PTPRD: variants seen among roughly 807,000 people sequenced by gnomAD.
The protein encoded by PTPRD is receptor-type tyrosine-protein phosphatase delta.
In PTPRD, 34 loss-of-function variants were observed where a neutral mutation model predicts 214.5. The ratio of observed to expected loss-of-function variants is 0.16; its 90% CI spans 0.12 to 0.21. PTPRD has a LOEUF of 0.21. Ranked by LOEUF, PTPRD falls within the 10% of genes least tolerant of loss-of-function variation. The probability of loss-of-function intolerance (pLI) is 1.00; values close to 1 mark genes in which losing one functional copy is unlikely to be tolerated. For missense variants in PTPRD, 2,545 were observed against 2,398.7 expected, an observed-to-expected ratio of 1.06 and a Z score of -1.27; for synonymous variants, 1,128 against 845.7, an observed-to-expected ratio of 1.33 and a Z score of -5.79.
chr9:10,226,187 T>C (rs2154352658), intron 3 of PTPRD, among the ~76,000 whole-genome samples: 1 of 152,154 alleles, frequency 6.6e-6, no homozygotes, highest in African/African-American at 2.4e-5. Context: ...TGGGATGCAC[T>C]TAGTACCTGG....
intron 11 of PTPRD, among the ~76,000 whole-genome samples, chr9:8,948,537 A>ATATT (rs1168999590): frequency 2.0e-5 from 1 of 49,984 alleles, no homozygotes. Context: ...ATATTTATAT[A>ATATT]TATATTTATA....
At chr9:10,429,133 T>C (rs773722026) in intron 2 of PTPRD, among the ~76,000 whole-genome samples, 2 of 152,030 alleles carry the variant, frequency 1.3e-5, no homozygotes, top group Non-Finnish European at 2.9e-5. Flanking sequence ...TATTTAATTG[T>C]ATAAAATTTG....
At chr9:9,649,070 G>A (rs990252023) in intron 7 of PTPRD, among the ~76,000 whole-genome samples, 8 of 152,232 alleles carry the variant, frequency 5.3e-5, no homozygotes, top group South Asian at 2.1e-4. Flanking sequence ...GGAATTGGGC[G>A]AGAGTTTGGG....
At chr9:9,093,078 G>A (rs546497402) in intron 10 of PTPRD, among the ~76,000 whole-genome samples, 1 of 152,102 alleles carries the variant, frequency 6.6e-6, no homozygotes, top group African/African-American at 2.4e-5. Context: ...CTTCAGAACA[G>A]GGATATGGAG....
chr9:8,531,816 A>C (rs1231634575), intron 14 of PTPRD, among the ~76,000 whole-genome samples: 2 of 152,108 alleles, frequency 1.3e-5, no homozygotes, highest in Admixed American at 6.6e-5. Flanking sequence ...TAAGCCACTT[A>C]CTAAAGGCTC....
chr9:8,501,675 T>A (rs1563880265), intron 23 of PTPRD, among the ~76,000 whole-genome samples: 1 of 151,942 alleles, frequency 6.6e-6, no homozygotes, highest in African/African-American at 2.4e-5. Context: ...GTTTTAATAA[T>A]AAAAAAAATG....
Position 8,442,826 on chromosome 9 carries a change from T to C in PTPRD, c.3989-6137A>G, listed in dbSNP as rs150585032. Among the ~76,000 whole-genome samples the C allele has an allele frequency of 5.9e-5, 9 of 152,270 alleles. No individual in the cohort carries two copies. In the East Asian group the frequency reaches 1.5e-3, roughly 26 times the overall value. ...ATACAACCATAATGACAATTAGATTTAATTTGTGACTGGGGATCATCATTA... is the reference window on the plus strand; with the variant it reads ...ATACAACCATAATGACAATTAGATTCAATTTGTGACTGGGGATCATCATTA... On this transcript the variant is annotated intron_variant, in intron 34 of 45. Coordinates refer to ENST00000381196, the MANE Select transcript of PTPRD (RefSeq NM_002839.4).
At chr9:9,689,967 T>C (rs1398234335) in intron 7 of PTPRD, among the ~76,000 whole-genome samples, 1 of 151,844 alleles carries the variant, frequency 6.6e-6, no homozygotes, top group Non-Finnish European at 1.5e-5. Context: ...ATCTCTCTCT[T>C]ATGTATTGAT....
chr9:8,918,521 G>C (rs149785236), intron 11 of PTPRD, among the ~76,000 whole-genome samples: 1 of 152,198 alleles, frequency 6.6e-6, no homozygotes, highest in Non-Finnish European at 1.5e-5. Flanking sequence ...CTCATCTGTA[G>C]AGGGTGATAC....
intron 11 of PTPRD, among the ~76,000 whole-genome samples, chr9:8,757,447 A>T (rs983424267): frequency 6.6e-6 from 1 of 151,972 alleles, no homozygotes; most frequent in South Asian, 2.1e-4. Flanking sequence ...CTATTTTACA[A>T]ATACCATATA....
intron 12 of PTPRD, among the ~76,000 whole-genome samples, chr9:8,731,264 T>G (rs561575997): frequency 1.3e-5 from 2 of 152,194 alleles, no homozygotes; most frequent in Non-Finnish European, 2.9e-5. Flanking sequence ...TTCTTTCCAT[T>G]CCCATCCCCA....
At chr9:9,821,663 A>G (rs117904024) in intron 5 of PTPRD, among the ~76,000 whole-genome samples, 3,753 of 152,112 alleles carry the variant, frequency 0.025, 60 homozygotes, top group Middle Eastern at 0.058. Context: ...ATTTTTAAGC[A>G]TTTGTATCTA....
chr9:10,057,627 G>A (rs113482886), intron 3 of PTPRD, among the ~76,000 whole-genome samples: 3,354 of 152,106 alleles, frequency 0.022, 137 homozygotes, highest in African/African-American at 0.077. Flanking sequence ...GGTGGATCAC[G>A]AGGTCAGGAG....
chr9:9,441,930 G>A (rs190137146), intron 8 of PTPRD: 2 of 152,286 alleles, frequency 1.3e-5, no homozygotes, highest in East Asian at 3.9e-4. Context: ...CTTTGCTTGG[G>A]ATTCTCCTTA....
chr9:8,415,961 A>G (rs749935750), intron 35 of PTPRD, among the ~76,000 whole-genome samples: 7 of 152,130 alleles, frequency 4.6e-5, no homozygotes, highest in Non-Finnish European at 8.8e-5. Context: ...TCTTGGGATC[A>G]CTTTGCCTTC....
At chr9:10,034,901 G>A (rs1357478914) in intron 3 of PTPRD, among the ~76,000 whole-genome samples, 2 of 152,126 alleles carry the variant, frequency 1.3e-5, no homozygotes, top group Admixed American at 1.3e-4. Flanking sequence ...ACGTGCATGT[G>A]TCTTTATAAT....
chr9:8,510,864 G>A (rs1274150141), intron 21 of PTPRD, among the ~76,000 whole-genome samples: 1 of 152,060 alleles, frequency 6.6e-6, no homozygotes, highest in Non-Finnish European at 1.5e-5. Context: ...GTCCTAATGA[G>A]CATAATATAT....
intron 11 of PTPRD, among the ~76,000 whole-genome samples, chr9:9,006,516 C>T (rs2099468431): frequency 6.6e-6 from 1 of 152,004 alleles, no homozygotes; most frequent in South Asian, 2.1e-4. Context: ...TAAGTGACTT[C>T]TTCTTAAAAT....
intron 3 of PTPRD, among the ~76,000 whole-genome samples, chr9:10,282,545 G>T (rs1007992055): frequency 7.9e-5 from 12 of 152,132 alleles, no homozygotes; most frequent in Non-Finnish European, 1.6e-4. Context: ...CAATTTAAAT[G>T]ATATTAAGAT....
Sources: gnomAD v4.1 joint callset for allele counts (sites outside exome capture counted in the v4.1 genomes callset) on GRCh38, gnomAD v4.1.1 for gene constraint, MANE v1.5 for transcripts, NCBI Gene and HGNC (gene_info 2026-07-23, HGNC 2026-07-21) for gene names.